Variants in PLEKHG4B observed in about 807,000 individuals in gnomAD.
The protein encoded by PLEKHG4B is pleckstrin homology domain-containing family G member 4B.
Under a neutral mutation model 121.3 loss-of-function variants are expected in PLEKHG4B, and 111 were observed. That is an observed-to-expected ratio of 0.92 (90% CI 0.78 to 1.07). The LOEUF (loss-of-function observed/expected upper bound fraction) is 1.07. Ranked by LOEUF, PLEKHG4B falls within the 50% of genes least tolerant of loss-of-function variation. PLEKHG4B has a pLI of 0.00. For synonymous variants in PLEKHG4B, 738 were observed against 725.0 expected (o/e 1.02, Z -0.29); for missense variants, 1,831 against 1,757.8 (o/e 1.04, Z -0.74).
chr5:166,774 G>A (rs989852299), intron 13 of PLEKHG4B, among the ~76,000 whole-genome samples: 4 of 152,196 alleles, frequency 2.6e-5, no homozygotes, highest in African/African-American at 7.2e-5. Flanking sequence ...TAATCTGAAC[G>A]GAGAAGGCCC....
At chr5:116,239 C>T (rs1036920353) in intron 2 of PLEKHG4B, among the ~76,000 whole-genome samples, 1 of 152,132 alleles carries the variant, frequency 6.6e-6, no homozygotes, top group African/African-American at 2.4e-5. Flanking sequence ...GTCAGTGGAG[C>T]AGACTTCGGA....
At chr5:122,914 G>A (rs1255645864) in intron 2 of PLEKHG4B, among the ~76,000 whole-genome samples, 1 of 152,136 alleles carries the variant, frequency 6.6e-6, no homozygotes, top group East Asian at 1.9e-4. Flanking sequence ...CCTAATAATA[G>A]AGTTTCAAAA....
In PLEKHG4B at chr5:139,824, C is replaced by G. The variant is rs1206133765; in HGVS notation, c.585C>G (p.Val195=). The G allele has an allele frequency of 5.0e-6, 2 of 398,876 alleles. No homozygotes were observed. The highest frequency in any genetic ancestry group is 4.1e-5 in the African/African-American group (2 of 48,572). 24.7% of individuals were successfully genotyped at this position (398,876 alleles called of 1,614,324 possible). A position where few individuals can be genotyped will look rare whatever the true frequency, so the allele number is the denominator to read the frequency against. Residue 195 remains valine, a synonymous_variant, in exon 3 of 20, where the codon GTC becomes GTG. Coordinates refer to ENST00000637938, the MANE Select transcript of PLEKHG4B (RefSeq NM_052909.5). The surrounding 1 kb of genome is among the most constrained non-coding windows in gnomAD (Gnocchi z 5.0). ...TCCACCGAGCCCCGTGGAGCGACGT[C>G]ACTGACCCTGTCTTTGTCCCCAGCC... ...LAVHRAPWSD[V]TDPVFVPSPG...
chr5:154,206 G>T (rs754403882), intron 7 of PLEKHG4B, among the ~76,000 whole-genome samples: 1 of 151,590 alleles, frequency 6.6e-6, no homozygotes, highest in African/African-American at 2.4e-5. Flanking sequence ...GGGTTTTACC[G>T]TGTTGGCCAG....
chr5:137,211 C>T lies in PLEKHG4B; in HGVS notation c.244-2272C>T, dbSNP rs1181405928. On this transcript the variant is annotated intron_variant, in intron 2 of 19. Coordinates refer to ENST00000637938, the MANE Select transcript of PLEKHG4B (RefSeq NM_052909.5). This position sits in a 1 kb window ranked among gnomAD's most constrained non-coding sequence, Gnocchi z 4.2. Reference sequence around the variant, plus strand: ...ATTCCACTTGTATGAAGTAGTCAAACTCGTCAAGACAGGAAGTGGAATGGT... The same window carrying T: ...ATTCCACTTGTATGAAGTAGTCAAATTCGTCAAGACAGGAAGTGGAATGGT... Among the ~76,000 whole-genome samples, 1 of 152,154 alleles carries T rather than the reference C, an allele frequency of 6.6e-6. No individual in the cohort carries two copies. The highest frequency in any genetic ancestry group is 1.5e-5 in the Non-Finnish European group (1 of 68,030).
At chr5:155,897 G>C (rs528487824) in intron 9 of PLEKHG4B, among the ~76,000 whole-genome samples, 174 bp from the exon 10 acceptor site, 2 of 151,978 alleles carry the variant, frequency 1.3e-5, no homozygotes, top group East Asian at 3.9e-4. Flanking sequence ...TCTTATCCTG[G>C]GGCCCACCCT....
chr5:147,635 A>T (rs542671475), intron 6 of PLEKHG4B, among the ~76,000 whole-genome samples: 2 of 152,356 alleles, frequency 1.3e-5, no homozygotes, highest in South Asian at 4.1e-4. Flanking sequence ...ATACAGTGTG[A>T]AGTGCCAAAA....
Position 184,205 on chromosome 5 carries a change from AGGCCTGAGAACCTGGGGGCCACT to A in PLEKHG4B, c.*1885_*1907del, listed in dbSNP as rs1325245081. ...CAGTGGTGTAATTCTCAGAGGCCAA[AGGCCTGAGAACCTGGGGGCCACT>A]GGTATAAGTCTGAGTCCATAGACCC... On this transcript the variant is annotated 3_prime_UTR_variant, in exon 20 of 20. Transcript: ENST00000637938. 1 of 152,230 alleles carries A rather than the reference AGGCCTGAGAACCTGGGGGCCACT, an allele frequency of 6.6e-6. No homozygotes were observed. Among genetic ancestry groups the A allele is most frequent in the African/African-American group, 2.4e-5 (1 of 41,458 alleles). 9.4% of individuals were successfully genotyped at this position (152,230 alleles called of 1,614,324 possible).
At position 189,002 on chromosome 5, in the gene PLEKHG4B, G is replaced by A. The variant is rs1316260692; in HGVS notation, c.*6679G>A. 1 of 152,278 alleles carries A rather than the reference G, an allele frequency of 6.6e-6. No individual in the cohort carries two copies. The highest frequency in any genetic ancestry group is 1.5e-5 in the Non-Finnish European group (1 of 68,064). The allele number at this position is 152,278 out of a possible 1,614,324, so 9.4% of individuals were successfully genotyped here. On this transcript the variant is annotated 3_prime_UTR_variant, in exon 20 of 20. Transcript: ENST00000637938. ...CTGGGATGGAGGTGGGTCCTCCAGGGAGTGCCCCAGTCCTCGAGAGCCAGA... is the reference window on the plus strand; with the variant it reads ...CTGGGATGGAGGTGGGTCCTCCAGGAAGTGCCCCAGTCCTCGAGAGCCAGA...
chr5:109,478 C>G (rs1734074883), intron 1 of PLEKHG4B, among the ~76,000 whole-genome samples: 1 of 151,960 alleles, frequency 6.6e-6, no homozygotes, highest in African/African-American at 2.4e-5. Context: ...ATACCCACCC[C>G]CAGGTGCCAC....
chr5:162,798 AC>A lies in PLEKHG4B; in HGVS notation c.2728del (p.Gln910ArgfsTer19). On this transcript the variant is annotated frameshift_variant, in exon 13 of 20. Coordinates refer to ENST00000637938, the MANE Select transcript of PLEKHG4B (RefSeq NM_052909.5). LOFTEE classifies it high-confidence loss of function. ...GTGGCTGAGTGTTTGAGGAGCTGTCACCAGGAGGCTACCTCGGTGGCTGCAG... is the reference window on the plus strand; with the variant it reads ...GTGGCTGAGTGTTTGAGGAGCTGTCACAGGAGGCTACCTCGGTGGCTGCAG... ...SPVAECLRSCHQEATSVAAEA... is the reference protein window; with the variant it reads ...SPVAECLRSCXQEATSVAAEA... 6.7e-7 allele frequency: 1 copy of A among 1,497,150 alleles called. No individual in the cohort carries two copies. Among genetic ancestry groups the A allele is most frequent in the Admixed American group, 2.4e-5 (1 of 42,484 alleles). The allele number at this position is 1,497,150 out of a possible 1,614,324, so 92.7% of individuals were successfully genotyped here.
intron 2 of PLEKHG4B, among the ~76,000 whole-genome samples, chr5:134,076 AATATATATATATATATATATATAT>A (rs67940117): frequency 0.013 from 530 of 40,306 alleles, 26 homozygotes; most frequent in Admixed American, 0.093. Context: ...TATATGATAG[AATATATATATATATATATATATAT>A]ATATATATAT....
At chr5:124,496 A>G (rs1293214793) in intron 2 of PLEKHG4B, among the ~76,000 whole-genome samples, 2 of 152,222 alleles carry the variant, frequency 1.3e-5, no homozygotes, top group Non-Finnish European at 2.9e-5. Context: ...GAAGTCTCCA[A>G]CAATTATTGT....
At chr5:150,011 T>A (rs1735553624) in intron 6 of PLEKHG4B, among the ~76,000 whole-genome samples, 1 of 152,236 alleles carries the variant, frequency 6.6e-6, no homozygotes, top group Non-Finnish European at 1.5e-5. Context: ...CAATACTGTG[T>A]CTGGGTATAT....
chr5:146,898 C>A (rs1233880603), intron 6 of PLEKHG4B, among the ~76,000 whole-genome samples: 3 of 151,872 alleles, frequency 2.0e-5, no homozygotes, highest in African/African-American at 7.3e-5. Context: ...TTCTTACTTT[C>A]GCAGTACGTG....
At chr5:176,067 A>ACACTCC (rs1395107820) in intron 18 of PLEKHG4B, among the ~76,000 whole-genome samples, 2 of 117,404 alleles carry the variant, frequency 1.7e-5, no homozygotes, top group East Asian at 4.3e-4. Flanking sequence ...GGCCCCTGAA[A>ACACTCC]CACTCCGGAG....
At chr5:129,029 C>T (rs1218854182) in intron 2 of PLEKHG4B, among the ~76,000 whole-genome samples, 4 of 152,168 alleles carry the variant, frequency 2.6e-5, no homozygotes, top group South Asian at 4.1e-4. Context: ...GAACCTGTGG[C>T]GTCACATGAC....
At chr5:161,731 C>G in intron 11 of PLEKHG4B, 52 bp from the exon 12 acceptor site, 5 of 1,612,090 alleles carry the variant, frequency 3.1e-6, no homozygotes, top group Non-Finnish European at 4.2e-6. Flanking sequence ...CACCTGGAGA[C>G]ATGAACGTGG....
chr5:114,199 G>A (rs1734238591), intron 2 of PLEKHG4B, among the ~76,000 whole-genome samples: 1 of 152,194 alleles, frequency 6.6e-6, no homozygotes, highest in Non-Finnish European at 1.5e-5. Context: ...GGTTGCGGAA[G>A]GCTGGGGTGG....
Sources: allele counts gnomAD v4.1 joint callset (sites outside exome capture counted in the v4.1 genomes callset), GRCh38; gene constraint gnomAD v4.1.1; non-coding constraint Gnocchi (gnomAD v3.1); transcripts MANE v1.5; gene names NCBI Gene and HGNC (gene_info 2026-07-23, HGNC 2026-07-21).